MYO18B: variants seen among roughly 807,000 people sequenced by gnomAD.
MYO18B encodes myosin XVIIIB.
In MYO18B, 204 loss-of-function variants were observed where a neutral mutation model predicts 273.0. That is an observed-to-expected ratio of 0.75 (90% CI 0.67 to 0.84). The LOEUF is 0.84. MYO18B is among the 40% of genes least tolerant of loss of function. The pLI is 0.00. For missense variants in MYO18B, 3,212 were observed against 3,287.6 expected (o/e 0.98, Z 0.56); for synonymous variants, 1,330 against 1,305.7 (o/e 1.02, Z -0.40).
Position 25,921,280 on chromosome 22 carries a change from G to A in MYO18B, c.5388G>A (p.Val1796=), listed in dbSNP as rs2146442652. ...AGATTGGCCATCGGGACTTTGATGT[G>A]GAGAAGCGACTTCGGAGAGACCTCA... The part of the protein sequence containing the change: ...CDQIGHRDFD[V]EKRLRRDLRR... The change falls in exon 34 of 44, where the codon GTG becomes GTA. Residue 1796 remains valine, a synonymous_variant. Coordinates refer to ENST00000335473, the MANE Select transcript of MYO18B (RefSeq NM_032608.7). The A allele has an allele frequency of 6.4e-7, 1 of 1,552,924 alleles. No individual in the cohort carries two copies.
chr22:26,051,773 A>G, the MYO18B span, among the ~76,000 whole-genome samples: 1 of 152,158 alleles, frequency 6.6e-6, no homozygotes, highest in Non-Finnish European at 1.5e-5. Context: ...AAAATGCACA[A>G]TTTTTTAAAG....
chr22:25,962,268 T>C (rs562143942), intron 39 of MYO18B, among the ~76,000 whole-genome samples: 1 of 152,284 alleles, frequency 6.6e-6, no homozygotes, highest in East Asian at 1.9e-4. Flanking sequence ...GTACCCCCTG[T>C]GCCCACCCCA....
At position 25,760,434 on chromosome 22, in the gene MYO18B, A is replaced by AC. The variant is rs1555883282; in HGVS notation, c.-109-549dup. Among the ~76,000 whole-genome samples the AC allele has an allele frequency of 1.6e-3, 180 of 111,520 alleles. 7 individuals carry two copies. In the South Asian group the frequency reaches 0.021, roughly 13 times the overall value. 73.2% of individuals were successfully genotyped at this position (111,520 alleles called of 152,430 possible). Reference sequence around the variant, plus strand: ...CTCAAAAAAAAAAAAAAAAAAAAAAACACAAAAACAAATAATAGTGGTTTC... The same window carrying AC: ...CTCAAAAAAAAAAAAAAAAAAAAAAACCACAAAAACAAATAATAGTGGTTTC... On this transcript the variant is annotated intron_variant, in intron 1 of 43. Coordinates refer to ENST00000335473, the MANE Select transcript of MYO18B (RefSeq NM_032608.7).
intron 34 of MYO18B, among the ~76,000 whole-genome samples, chr22:25,927,760 G>A (rs936801949): frequency 2.0e-5 from 3 of 151,990 alleles, no homozygotes; most frequent in Non-Finnish European, 4.4e-5. Context: ...TGTCTCCCCC[G>A]GACACCCAGC....
intron 32 of MYO18B, among the ~76,000 whole-genome samples, chr22:25,908,728 A>C (rs1286923099): frequency 6.6e-6 from 1 of 152,232 alleles, no homozygotes; most frequent in Non-Finnish European, 1.5e-5. Flanking sequence ...GTAAATTTCA[A>C]TAATAGAACC....
At chr22:25,951,396 T>C (rs1041863675) in intron 37 of MYO18B, among the ~76,000 whole-genome samples, 3 of 152,186 alleles carry the variant, frequency 2.0e-5, no homozygotes, top group African/African-American at 7.2e-5. Flanking sequence ...GACCAGTCCT[T>C]AGACAGACAC....
intron 24 of MYO18B, 126 bp downstream of exon 24, chr22:25,876,458 C>A: frequency 1.0e-6 from 1 of 991,802 alleles, no homozygotes; most frequent in Non-Finnish European, 1.4e-6. Context: ...AGCCCAACAG[C>A]CTTGATGCCC....
intron 21 of MYO18B, among the ~76,000 whole-genome samples, chr22:25,867,345 C>CT (rs2090918072): frequency 1.3e-5 from 2 of 152,212 alleles, no homozygotes; most frequent in African/African-American, 4.8e-5. Context: ...TTTGGTTACT[C>CT]TAAGTACCTC....
At chr22:25,875,516 G>A (rs1332466976) in intron 23 of MYO18B, among the ~76,000 whole-genome samples, 1 of 147,758 alleles carries the variant, frequency 6.8e-6, no homozygotes, top group East Asian at 2.0e-4. Flanking sequence ...CCCCCCCCCA[G>A]TGATAAGAAT....
At position 25,764,544 on chromosome 22, in the gene MYO18B, G is replaced by A. The variant is rs528384680; in HGVS notation, c.198+1155G>A. Among the ~76,000 whole-genome samples, 5 of 152,308 alleles carry A rather than the reference G, an allele frequency of 3.3e-5. No individual in the cohort carries two copies. In the East Asian group the frequency reaches 9.7e-4, roughly 29 times the overall value. On this transcript the variant is annotated intron_variant, in intron 3 of 43. Transcript: ENST00000335473. Reference sequence around the variant, plus strand: ...CTCCCCTTCAGCTTTGGTTTGCCCGGCTAGTCCCACATGTGCCTGCACCTG... The same window carrying A: ...CTCCCCTTCAGCTTTGGTTTGCCCGACTAGTCCCACATGTGCCTGCACCTG...
chr22:26,018,369 ACCT>A (rs1393541069), intron 42 of MYO18B, among the ~76,000 whole-genome samples: 1 of 151,734 alleles, frequency 6.6e-6, no homozygotes, highest in Non-Finnish European at 1.5e-5. Flanking sequence ...TGCTAATGTC[ACCT>A]CCTCCTCACT....
rs1248325486 is a variant in MYO18B, at chr22:25,832,949, C to T, written c.3012C>T (p.Asp1004=). 2 of 1,613,856 alleles carry T rather than the reference C, an allele frequency of 1.2e-6. No homozygotes were observed. Among genetic ancestry groups the T allele is most frequent in the South Asian group, 1.1e-5 (1 of 91,058 alleles). The part of the protein sequence containing the change: ...EGVPVQFDLP[D]PSPGTTVAVV... ...TTCCTGTGCAGTTTGACCTCCCGGA[C>T]CCCTCCCCAGGGACCACCGTGGCTG... Residue 1004 remains aspartate (D), a synonymous_variant, in exon 16 of 44, where the codon GAC becomes GAT. Coordinates refer to ENST00000335473, the MANE Select transcript of MYO18B (RefSeq NM_032608.7).
intron 7 of MYO18B, among the ~76,000 whole-genome samples, chr22:25,776,498 G>A (rs2086919086): frequency 6.6e-6 from 1 of 152,198 alleles, no homozygotes; most frequent in Non-Finnish European, 1.5e-5. Flanking sequence ...TCAGAAGGCT[G>A]AGGCGGGAGA....
At chr22:26,003,598 A>G (rs558269201) in intron 41 of MYO18B, among the ~76,000 whole-genome samples, 1 of 152,332 alleles carries the variant, frequency 6.6e-6, no homozygotes, top group East Asian at 1.9e-4. Context: ...TGTATTCTGC[A>G]CATTCAGACC....
chr22:25,817,145 C>T (rs1013778186), intron 12 of MYO18B, among the ~76,000 whole-genome samples: 1 of 152,188 alleles, frequency 6.6e-6, no homozygotes. Flanking sequence ...ATTTGAGCAA[C>T]TCAGAAACGG....
intron 12 of MYO18B, among the ~76,000 whole-genome samples, chr22:25,805,087 C>T (rs971864015): frequency 7.2e-5 from 11 of 152,164 alleles, no homozygotes; most frequent in Non-Finnish European, 8.8e-5. Context: ...AGGTTCTGAG[C>T]GTGCCCTCCC....
intron 39 of MYO18B, among the ~76,000 whole-genome samples, chr22:25,956,108 C>T (rs1290430112): frequency 6.6e-6 from 1 of 152,148 alleles, no homozygotes; most frequent in Non-Finnish European, 1.5e-5. Context: ...TTTGCTTGCC[C>T]AGGGTCACAC....
chr22:26,032,456 T>C (rs1203425221), downstream of MYO18B, among the ~76,000 whole-genome samples: 2 of 152,068 alleles, frequency 1.3e-5, no homozygotes, highest in African/African-American at 4.8e-5. Flanking sequence ...ATTTTTCTCT[T>C]ATAAGAACAG....
At chr22:26,040,503 G>GAACT in the MYO18B span, among the ~76,000 whole-genome samples, 2 of 152,306 alleles carry the variant, frequency 1.3e-5, no homozygotes, top group South Asian at 4.1e-4. Flanking sequence ...AGGAGTAAGT[G>GAACT]AACTATACAA....
Sources: allele counts gnomAD v4.1 joint callset (sites outside exome capture counted in the v4.1 genomes callset), GRCh38; gene constraint gnomAD v4.1.1; transcripts MANE v1.5; gene names NCBI Gene and HGNC (gene_info 2026-07-23, HGNC 2026-07-21).